The following ZFR2 variants were observed in gnomAD, a reference collection of about 807,000 sequenced individuals.
ZFR2 encodes zinc finger RNA binding protein 2.
A neutral mutation model predicts 105.7 loss-of-function variants in ZFR2; 104 were observed. That is an observed-to-expected ratio of 0.98 (90% confidence interval 0.84 to 1.16). The LOEUF is 1.16. Among genes scored for constraint, ZFR2 ranks in the 50% most tolerant of loss-of-function variants. The pLI is 0.00. For synonymous variants in ZFR2, 634 were observed against 597.7 expected (o/e 1.06, Z -0.89); for missense variants, 1,425 against 1,355.5 (o/e 1.05, Z -0.80).
intron 14 of ZFR2, among the ~76,000 whole-genome samples, chr19:3,811,751 G>A (rs187519666): frequency 2.3e-3 from 350 of 150,746 alleles, no homozygotes; most frequent in Admixed American, 4.8e-3. Context: ...CACCGTGCCC[G>A]GTGGGGATTT....
At chr19:3,857,362 C>G (rs116747699) in intron 1 of ZFR2, among the ~76,000 whole-genome samples, 3 of 152,084 alleles carry the variant, frequency 2.0e-5, no homozygotes, top group African/African-American at 7.2e-5. Context: ...TTTTCAAAGT[C>G]TGACCCACAC....
chr19:3,868,888 G>C, intron 1 of ZFR2, 77 bp downstream of exon 1: 1 of 1,146,672 alleles, frequency 8.7e-7, no homozygotes, highest in South Asian at 4.1e-5. Flanking sequence ...CGCACGCGGC[G>C]GGAGAAGGGG....
intron 11 of ZFR2, among the ~76,000 whole-genome samples, chr19:3,819,918 A>C (rs2037871239): frequency 6.6e-6 from 1 of 151,614 alleles, no homozygotes; most frequent in African/African-American, 2.4e-5. Context: ...CTGAGAAGAG[A>C]CAGTAGTAGC....
intron 11 of ZFR2, 60 bp downstream of exon 11, chr19:3,820,122 T>G: frequency 1.3e-6 from 2 of 1,508,476 alleles, no homozygotes; most frequent in Non-Finnish European, 1.8e-6. Context: ...CGAGGAGGTG[T>G]CCGCTGCTCC....
chr19:3,834,487 G>A lies in ZFR2; in HGVS notation c.264+286C>T, dbSNP rs1164871482. ...CAGGCGACCCTCCTCCTCCTTCATA[G>A]TCACTGCTGAAGCTGGGACAAAGCT... is the stretch of plus-strand genomic sequence containing the variant. On this transcript the variant is annotated intron_variant, in intron 2 of 18. Coordinates refer to ENST00000262961, the MANE Select transcript of ZFR2 (RefSeq NM_015174.2). The surrounding 1 kb of genome is among the most constrained non-coding windows in gnomAD (Gnocchi z 5.3). Among the ~76,000 whole-genome samples, 1 of 152,138 alleles carries A rather than the reference G, an allele frequency of 6.6e-6. No homozygotes were observed. Among genetic ancestry groups the A allele is most frequent in the Non-Finnish European group, 1.5e-5 (1 of 68,028 alleles).
intron 5 of ZFR2, among the ~76,000 whole-genome samples, chr19:3,829,406 C>T (rs778162107): frequency 9.9e-5 from 15 of 151,986 alleles, no homozygotes; most frequent in Non-Finnish European, 1.8e-4. Context: ...AAGATGCTAC[C>T]GCTAAATCAT....
At chr19:3,852,692 T>C (rs944539274) in intron 1 of ZFR2, 6 of 665,102 alleles carry the variant, frequency 9.0e-6, no homozygotes, top group African/African-American at 1.8e-5. Context: ...TTGGCAACAA[T>C]CTGCCACATT....
intron 2 of ZFR2, 110 bp from the exon 3 acceptor site, chr19:3,833,888 C>T (rs1347040511): frequency 1.9e-5 from 16 of 840,004 alleles, no homozygotes; most frequent in East Asian, 5.6e-5. Context: ...CTTCCTGCAG[C>T]GCTGGCTCCT....
At chr19:3,855,717 T>TCA (rs2038290804) in intron 1 of ZFR2, 1 of 348,276 alleles carries the variant, frequency 2.9e-6, no homozygotes, top group Non-Finnish European at 5.1e-6. Context: ...AGGAGGAGGG[T>TCA]GAAGACACAA....
intron 13 of ZFR2, 126 bp downstream of exon 13, chr19:3,816,548 A>G: frequency 7.2e-7 from 1 of 1,387,582 alleles, no homozygotes. Flanking sequence ...GCCTGGCTTA[A>G]TGCTTCTTGT....
rs1234106989 is a variant in ZFR2, at chr19:3,869,035, G to A, written c.-18C>T. 2.8e-5 allele frequency: 38 copies of A among 1,344,358 alleles called. No individual in the cohort carries two copies. Among genetic ancestry groups the A allele is most frequent in the Non-Finnish European group, 3.7e-5 (38 of 1,039,334 alleles). The allele number at this position is 1,344,358 out of a possible 1,614,324, so 83.3% of individuals were successfully genotyped here. A position where few individuals can be genotyped will look rare whatever the true frequency, so the allele number is the denominator to read the frequency against. ...GTCGCCATCTTGGCGTCTTCCCCGA[G>A]CCTGGCGGACCCGCGACGTCACCCG... is the stretch of plus-strand genomic sequence containing the variant. On this transcript the variant is annotated 5_prime_UTR_variant, in exon 1 of 19. Transcript: ENST00000262961.
At chr19:3,843,607 C>T (rs1275182799) in intron 1 of ZFR2, among the ~76,000 whole-genome samples, 1 of 151,592 alleles carries the variant, frequency 6.6e-6, no homozygotes, top group African/African-American at 2.4e-5. Flanking sequence ...CCGAGGCAGG[C>T]AGATCACGAG....
In ZFR2 at chr19:3,869,029, C is replaced by T. The variant is rs758953463; in HGVS notation, c.-12G>A. 1.0e-5 allele frequency: 14 copies of T among 1,352,440 alleles called. 2 individuals are homozygous for T. In the South Asian group the frequency reaches 2.5e-4, roughly 24 times the overall value. 83.8% of individuals were successfully genotyped at this position (1,352,440 alleles called of 1,614,324 possible). ...TGACTCGTCGCCATCTTGGCGTCTTCCCCGAGCCTGGCGGACCCGCGACGT... is the reference window on the plus strand; with the variant it reads ...TGACTCGTCGCCATCTTGGCGTCTTTCCCGAGCCTGGCGGACCCGCGACGT... On this transcript the variant is annotated 5_prime_UTR_variant, in exon 1 of 19. Coordinates refer to ENST00000262961, the MANE Select transcript of ZFR2 (RefSeq NM_015174.2).
intron 5 of ZFR2, among the ~76,000 whole-genome samples, chr19:3,829,571 A>G (rs112134220): frequency 0.15 from 23,087 of 151,200 alleles, 2,077 homozygotes; most frequent in East Asian, 0.29. Context: ...GGGGTGCAGT[A>G]GCGTGATCAT....
intron 17 of ZFR2, 116 bp downstream of exon 17, chr19:3,808,756 G>A: frequency 2.3e-6 from 2 of 883,794 alleles, no homozygotes; most frequent in East Asian, 2.9e-5. Flanking sequence ...CCGCACTCCT[G>A]CCTGGGCTGG....
chr19:3,843,838 AAAC>A (rs1322934515), intron 1 of ZFR2, among the ~76,000 whole-genome samples: 1 of 151,626 alleles, frequency 6.6e-6, no homozygotes. Flanking sequence ...CTGTCTCAAA[AAAC>A]AAAAAAGAAA....
intron 17 of ZFR2, among the ~76,000 whole-genome samples, chr19:3,808,520 G>T (rs1012199233): frequency 6.6e-6 from 1 of 152,244 alleles, no homozygotes; most frequent in Non-Finnish European, 1.5e-5. Context: ...GATAATCTTT[G>T]GAGGACAGGC....
At chr19:3,811,036 C>T (rs999918247) in intron 15 of ZFR2, among the ~76,000 whole-genome samples, 191 bp from the exon 16 acceptor site, 4 of 152,212 alleles carry the variant, frequency 2.6e-5, no homozygotes, top group African/African-American at 9.6e-5. Flanking sequence ...GGCCACGAGA[C>T]GGCAGCGTCC....
At chr19:3,840,042 G>A (rs1381457169) in intron 1 of ZFR2, among the ~76,000 whole-genome samples, 1 of 152,030 alleles carries the variant, frequency 6.6e-6, no homozygotes, top group Non-Finnish European at 1.5e-5. Flanking sequence ...CCCGCAACTC[G>A]CTTCTCCAAT....
Sources: allele counts gnomAD v4.1 joint callset (sites outside exome capture counted in the v4.1 genomes callset), GRCh38; gene constraint gnomAD v4.1.1; non-coding constraint Gnocchi (gnomAD v3.1); transcripts MANE v1.5; gene names NCBI Gene and HGNC (gene_info 2026-07-23, HGNC 2026-07-21).